PDE4D: variants seen among roughly 807,000 people sequenced by gnomAD.
The protein encoded by PDE4D is 3',5'-cyclic-AMP phosphodiesterase 4D.
In PDE4D, 24 loss-of-function variants were observed where a neutral mutation model predicts 87.4. That is an observed-to-expected ratio of 0.27 (90% confidence interval 0.20 to 0.39). PDE4D has a LOEUF of 0.39. Ranked by LOEUF, PDE4D falls within the 10% of genes least tolerant of loss-of-function variation. PDE4D has a pLI of 1.00. For missense variants in PDE4D, 714 were observed against 1,041.0 expected (o/e 0.69, Z 4.32); for synonymous variants, 384 against 383.2 (o/e 1.00, Z -0.02).
At chr5:59,569,009 C>G (rs1291152577) in intron 1 of PDE4D, among the ~76,000 whole-genome samples, 3 of 152,090 alleles carry the variant, frequency 2.0e-5, no homozygotes, top group African/African-American at 7.2e-5. Context: ...CCTGCACTAT[C>G]TTTGCCATTT....
Position 59,072,371 on chromosome 5 carries a change from T to G in PDE4D, c.809-33400A>C, listed in dbSNP as rs367882622. On this transcript the variant is annotated intron_variant, in intron 5 of 14. Coordinates refer to ENST00000340635, the MANE Select transcript of PDE4D (RefSeq NM_001104631.2). ...ATTTGAGCATCTATATTTGGCAGCC[T>G]CTATTCTAGCCACCGGAGACACAGT... Among the ~76,000 whole-genome samples, 5 of 152,314 alleles carry G rather than the reference T, an allele frequency of 3.3e-5. No individual in the cohort carries two copies. In the East Asian group the frequency reaches 9.7e-4, roughly 29 times the overall value.
At chr5:60,270,025 G>A (rs1029313465) in intron 1 of PDE4D, among the ~76,000 whole-genome samples, 3 of 152,232 alleles carry the variant, frequency 2.0e-5, no homozygotes, top group African/African-American at 7.2e-5. Flanking sequence ...GTCCAGATAC[G>A]GAACACATGC....
intron 1 of PDE4D, among the ~76,000 whole-genome samples, chr5:59,535,085 G>GGA (rs1814942933): frequency 2.1e-5 from 3 of 141,406 alleles, no homozygotes; most frequent in Middle Eastern, 3.6e-3. Context: ...GTGGGGGGGG[G>GGA]GTCCTCTATC....
chr5:59,256,403 G>C lies in PDE4D; in HGVS notation c.456-40435C>G, dbSNP rs554522358. 3.3e-5 allele frequency among the ~76,000 whole-genome samples: 5 copies of C among 152,014 alleles called. No homozygotes were observed. The South Asian group carries it at 8.3e-4, about 25-fold the overall frequency. The stretch of plus-strand genomic sequence containing the variant: ...GTTTGAATTCATTATGTGGCTTCTC[G>C]AGTGCTCTGCAGATTTAAAATGACC... On this transcript the variant is annotated intron_variant, in intron 1 of 14. Transcript: ENST00000340635.
At chr5:60,089,035 T>C (rs1774827624) in intron 2 of PDE4D, among the ~76,000 whole-genome samples, 1 of 151,852 alleles carries the variant, frequency 6.6e-6, no homozygotes, top group Non-Finnish European at 1.5e-5. Flanking sequence ...GCTATAATTA[T>C]CAGATAAAAC....
intron 1 of PDE4D, among the ~76,000 whole-genome samples, chr5:59,229,763 G>A (rs1400244595): frequency 6.6e-6 from 1 of 152,140 alleles, no homozygotes; most frequent in Non-Finnish European, 1.5e-5. Flanking sequence ...CTGGATGGGT[G>A]AAAATAAAAA....
At chr5:59,501,130 T>C (rs1044652286) in intron 1 of PDE4D, among the ~76,000 whole-genome samples, 1 of 152,216 alleles carries the variant, frequency 6.6e-6, no homozygotes, top group Admixed American at 6.5e-5. Context: ...ATTATATCTT[T>C]GAATACTTGT....
intron 2 of PDE4D, among the ~76,000 whole-genome samples, chr5:60,092,050 C>CAAAAAA (rs66814905): frequency 4.3e-3 from 240 of 55,970 alleles, no homozygotes; most frequent in Non-Finnish European, 5.1e-3. Context: ...AACTCCGTCT[C>CAAAAAA]AAAAAAAAAA....
chr5:60,223,937 G>C (rs994402539), intron 1 of PDE4D, among the ~76,000 whole-genome samples: 1 of 152,034 alleles, frequency 6.6e-6, no homozygotes, highest in Non-Finnish European at 1.5e-5. Flanking sequence ...TGAAATGAAG[G>C]TTCCTCACCA....
chr5:60,378,033 A>G (rs1422624136), intron 1 of PDE4D, among the ~76,000 whole-genome samples: 1 of 152,204 alleles, frequency 6.6e-6, no homozygotes, highest in Admixed American at 6.5e-5. Context: ...CTAGAATAGA[A>G]CTATATTGTT....
At chr5:59,561,512 A>T (rs2153691802) in intron 1 of PDE4D, among the ~76,000 whole-genome samples, 1 of 152,320 alleles carries the variant, frequency 6.6e-6, no homozygotes, top group African/African-American at 2.4e-5. Flanking sequence ...TTATGGATTT[A>T]CTTATAATTA....
At chr5:60,054,516 C>T (rs1433381133) in intron 2 of PDE4D, among the ~76,000 whole-genome samples, 3 of 152,022 alleles carry the variant, frequency 2.0e-5, no homozygotes, top group African/African-American at 7.2e-5. Flanking sequence ...GAACATCACA[C>T]ACCAGGGCCT....
intron 1 of PDE4D, among the ~76,000 whole-genome samples, chr5:60,212,098 A>G (rs1364811172): frequency 6.6e-6 from 1 of 152,224 alleles, no homozygotes; most frequent in African/African-American, 2.4e-5. Flanking sequence ...AGCAGCTGTT[A>G]TCATGAATTT....
chr5:59,993,945 GT>G (rs892263336), intron 2 of PDE4D, among the ~76,000 whole-genome samples: 3 of 152,086 alleles, frequency 2.0e-5, no homozygotes, highest in Middle Eastern at 3.5e-3. Flanking sequence ...TAACTTTAAT[GT>G]TATGCTTTTT....
At chr5:60,232,426 T>C (rs762024722) in intron 1 of PDE4D, among the ~76,000 whole-genome samples, 5 of 151,896 alleles carry the variant, frequency 3.3e-5, no homozygotes, top group African/African-American at 4.8e-5. Context: ...TCTTGGATTA[T>C]GATCAGTAAT....
chr5:59,377,369 A>G (rs1039817241), intron 1 of PDE4D, among the ~76,000 whole-genome samples: 1 of 151,568 alleles, frequency 6.6e-6, no homozygotes, highest in Non-Finnish European at 1.5e-5. Context: ...GTGAGCTGAG[A>G]TCATGCCACT....
intron 1 of PDE4D, among the ~76,000 whole-genome samples, chr5:59,512,039 T>A (rs1810364504): frequency 6.6e-6 from 1 of 152,152 alleles, no homozygotes; most frequent in African/African-American, 2.4e-5. Flanking sequence ...TGTGGATGTC[T>A]AAACTTTTGA....
At chr5:60,023,214 C>G (rs770225924) in intron 2 of PDE4D, among the ~76,000 whole-genome samples, 3 of 152,200 alleles carry the variant, frequency 2.0e-5, no homozygotes, top group Non-Finnish European at 4.4e-5. Context: ...GAACTCTCCA[C>G]GGTGCATAAT....
intron 1 of PDE4D, among the ~76,000 whole-genome samples, chr5:60,519,965 G>T (rs1229915148): frequency 6.6e-6 from 1 of 152,220 alleles, no homozygotes; most frequent in Non-Finnish European, 1.5e-5. Flanking sequence ...AAAACCCAGA[G>T]ATTCAAAACC....
Sources: allele counts gnomAD v4.1 joint callset (sites outside exome capture counted in the v4.1 genomes callset), GRCh38; gene constraint gnomAD v4.1.1; transcripts MANE v1.5; gene names NCBI Gene and HGNC (gene_info 2026-07-23, HGNC 2026-07-21).